Variants in GNAZ observed in about 807,000 individuals in gnomAD.
The protein encoded by GNAZ is guanine nucleotide-binding protein G(z) subunit alpha.
Under a neutral mutation model 25.4 loss-of-function variants are expected in GNAZ, and 3 were observed. The ratio of observed to expected loss-of-function variants is 0.12; its 90% CI spans 0.05 to 0.30. The LOEUF is 0.30. GNAZ is among the 10% of genes least tolerant of loss of function. The probability of loss-of-function intolerance (pLI) is 1.00; values close to 1 mark genes in which losing one functional copy is unlikely to be tolerated. For synonymous variants in GNAZ, 211 were observed against 205.7 expected, an observed-to-expected ratio of 1.03 and a Z score of -0.22; for missense variants, 241 against 501.8, an observed-to-expected ratio of 0.48 and a Z score of 4.97.
intron 2 of GNAZ, among the ~76,000 whole-genome samples, chr22:23,097,820 G>T (rs903167730): frequency 3.9e-5 from 6 of 152,244 alleles, no homozygotes; most frequent in African/African-American, 1.4e-4. Context: ...CAGACCCTTG[G>T]GACAGTGCCA....
chr22:23,111,322 G>A (rs757227763), intron 2 of GNAZ, among the ~76,000 whole-genome samples: 8 of 152,182 alleles, frequency 5.3e-5, no homozygotes, highest in Non-Finnish European at 2.9e-5. Context: ...CAGGGGGTGC[G>A]GCCACAAATC....
chr22:23,078,436 C>T lies in GNAZ; in HGVS notation c.-450+7866C>T, dbSNP rs2068570008. ...GGCACTGGTGGGGCTGCCCTTGTCC[C>T]CCCAACACTGCCCACCTCCTCCAAG... On this transcript the variant is annotated intron_variant, in intron 1 of 2. Transcript: ENST00000615612. Among the ~76,000 whole-genome samples, 6 of 152,202 alleles carry T rather than the reference C, an allele frequency of 3.9e-5. No homozygotes were observed. The South Asian group carries it at 1.2e-3, about 32-fold the overall frequency.
chr22:23,104,111 G>T (rs1189943225), intron 2 of GNAZ, among the ~76,000 whole-genome samples: 2 of 151,992 alleles, frequency 1.3e-5, no homozygotes, highest in Non-Finnish European at 2.9e-5. Context: ...AGGCTGTGGG[G>T]GAGCAGTGGG....
At chr22:23,105,174 C>A (rs1272056963) in intron 2 of GNAZ, among the ~76,000 whole-genome samples, 1 of 152,216 alleles carries the variant, frequency 6.6e-6, no homozygotes, top group African/African-American at 2.4e-5. Context: ...CACAGCCCCA[C>A]ACACCTTTTC....
At chr22:23,111,844 C>G (rs560384276) in intron 2 of GNAZ, among the ~76,000 whole-genome samples, 1 of 152,208 alleles carries the variant, frequency 6.6e-6, no homozygotes, top group Admixed American at 6.5e-5. Flanking sequence ...GTCCTCAGAT[C>G]CCGGTGGCAG....
chr22:23,124,453 T>C lies in GNAZ; in HGVS notation c.*1022T>C, dbSNP rs1426776275. The C allele has an allele frequency of 4.3e-6, 2 of 466,140 alleles. No individual in the cohort carries two copies. Among genetic ancestry groups the C allele is most frequent in the Admixed American group, 4.8e-5 (2 of 41,944 alleles). 28.9% of individuals were successfully genotyped at this position (466,140 alleles called of 1,614,324 possible). On this transcript the variant is annotated 3_prime_UTR_variant, in exon 3 of 3. Transcript: ENST00000615612. ...TGCGCCAGCCTCGCGGGACACGTGT[T>C]GTACATAAGCCTCTGCAGTGTCCTC...
intron 2 of GNAZ, among the ~76,000 whole-genome samples, chr22:23,102,086 C>T (rs1263659102): frequency 6.6e-6 from 1 of 152,242 alleles, no homozygotes; most frequent in Non-Finnish European, 1.5e-5. Flanking sequence ...CACTTGTGAA[C>T]AGCCCCTGCC....
chr22:23,094,220 A>T (rs1445714117), intron 1 of GNAZ, among the ~76,000 whole-genome samples: 2 of 152,050 alleles, frequency 1.3e-5, no homozygotes, highest in Non-Finnish European at 2.9e-5. Context: ...TCAGGGAAGG[A>T]GCAAGAGGGG....
At chr22:23,084,943 G>A (rs1037635517) in intron 1 of GNAZ, among the ~76,000 whole-genome samples, 1 of 152,212 alleles carries the variant, frequency 6.6e-6, no homozygotes, top group Admixed American at 6.5e-5. Context: ...ATTGCACACT[G>A]GAGGTTATGA....
At chr22:23,100,350 C>T (rs2069261318) in intron 2 of GNAZ, among the ~76,000 whole-genome samples, 1 of 152,250 alleles carries the variant, frequency 6.6e-6, no homozygotes, top group Admixed American at 6.5e-5. Context: ...CACTTGGGCC[C>T]CACAGGCAGG....
chr22:23,106,419 T>C (rs1472243909), intron 2 of GNAZ, among the ~76,000 whole-genome samples: 2 of 152,132 alleles, frequency 1.3e-5, no homozygotes, highest in Non-Finnish European at 2.9e-5. Flanking sequence ...GAGAAAGTGC[T>C]CTGTGTACAG....
At chr22:23,077,437 C>A (rs1225686930) in intron 1 of GNAZ, among the ~76,000 whole-genome samples, 1 of 152,212 alleles carries the variant, frequency 6.6e-6, no homozygotes, top group African/African-American at 2.4e-5. Context: ...AGAGACTCAA[C>A]CACTCTACAA....
In GNAZ at chr22:23,096,049, C is replaced by G. The variant is rs145676028; in HGVS notation, c.354C>G (p.Gly118=). ...FALTGPAESK[G]EITPELLGVM... Reference sequence around the variant, plus strand: ...TGACGGGCCCCGCTGAGAGCAAGGGCGAGATCACACCCGAGCTGCTGGGTG... The same window carrying G: ...TGACGGGCCCCGCTGAGAGCAAGGGGGAGATCACACCCGAGCTGCTGGGTG... Residue 118 remains glycine (G), a synonymous_variant, in exon 2 of 3, where the codon GGC becomes GGG. Coordinates refer to ENST00000615612, the MANE Select transcript of GNAZ (RefSeq NM_002073.4). 1 of 1,607,074 alleles carries G rather than the reference C, an allele frequency of 6.2e-7. No homozygotes were observed. Among genetic ancestry groups the G allele is most frequent in the Admixed American group, 1.7e-5 (1 of 60,016 alleles).
intron 2 of GNAZ, among the ~76,000 whole-genome samples, chr22:23,108,061 C>T (rs931643421): frequency 3.3e-5 from 5 of 152,222 alleles, no homozygotes; most frequent in African/African-American, 4.8e-5. Context: ...CTGTGCCCCC[C>T]GCCCTGATCC....
chr22:23,106,278 G>A (rs952508043), intron 2 of GNAZ, among the ~76,000 whole-genome samples: 1 of 152,264 alleles, frequency 6.6e-6, no homozygotes, highest in Non-Finnish European at 1.5e-5. Context: ...TAAGGGGGGT[G>A]GCGCCTTGGG....
chr22:23,084,854 T>C (rs1424353348), intron 1 of GNAZ, among the ~76,000 whole-genome samples: 2 of 152,186 alleles, frequency 1.3e-5, no homozygotes, highest in Non-Finnish European at 2.9e-5. Flanking sequence ...CCTGGCTCAC[T>C]TGCCAGAGGA....
intron 2 of GNAZ, among the ~76,000 whole-genome samples, chr22:23,101,301 A>G (rs1181681141): frequency 4.6e-5 from 7 of 151,702 alleles, no homozygotes; most frequent in Non-Finnish European, 8.9e-5. Flanking sequence ...TGGGAATTCC[A>G]GTGGCCCCCC....
chr22:23,078,741 T>G (rs2068581583), intron 1 of GNAZ, among the ~76,000 whole-genome samples: 1 of 152,136 alleles, frequency 6.6e-6, no homozygotes, highest in African/African-American at 2.4e-5. Context: ...GGCCAGGGCT[T>G]CTAAGGGGGC....
At chr22:23,093,151 G>A (rs2069033792) in intron 1 of GNAZ, among the ~76,000 whole-genome samples, 1 of 152,238 alleles carries the variant, frequency 6.6e-6, no homozygotes, top group South Asian at 2.1e-4. Context: ...TCTGCCCACT[G>A]TGTGCTGGAG....
Sources: allele counts gnomAD v4.1 joint callset (sites outside exome capture counted in the v4.1 genomes callset), GRCh38; gene constraint gnomAD v4.1.1; transcripts MANE v1.5; gene names NCBI Gene and HGNC (gene_info 2026-07-23, HGNC 2026-07-21).